CSMD1: variants seen among roughly 807,000 people sequenced by gnomAD.
The protein encoded by CSMD1 is CUB and sushi domain-containing protein 1.
In CSMD1, 213 loss-of-function variants were observed where a neutral mutation model predicts 417.5. The ratio of observed to expected loss-of-function variants is 0.51; its 90% CI spans 0.46 to 0.57. The LOEUF is 0.57. Among genes scored for constraint, CSMD1 ranks in the 20% least tolerant of loss-of-function variants. The pLI is 0.00. For missense variants in CSMD1, 6,923 were observed against 4,529.7 expected (o/e 1.53, Z -15.17); for synonymous variants, 2,862 against 1,736.8 (o/e 1.65, Z -16.11).
chr8:3,513,963 G>C (rs916761475), intron 10 of CSMD1, among the ~76,000 whole-genome samples: 3 of 152,216 alleles, frequency 2.0e-5, no homozygotes, highest in African/African-American at 7.2e-5. Context: ...CTTGTAATAA[G>C]AAAACAGAGA....
intron 10 of CSMD1, among the ~76,000 whole-genome samples, chr8:3,532,566 C>T (rs992900402): frequency 2.0e-5 from 3 of 152,144 alleles, no homozygotes; most frequent in African/African-American, 7.2e-5. Context: ...AGGTTCAACA[C>T]AGGATTTGAT....
chr8:3,811,667 A>G (rs1801088784), intron 5 of CSMD1, among the ~76,000 whole-genome samples: 1 of 152,118 alleles, frequency 6.6e-6, no homozygotes, highest in African/African-American at 2.4e-5. Context: ...CTATGCCAGG[A>G]ATCAATATTC....
intron 1 of CSMD1, among the ~76,000 whole-genome samples, chr8:4,940,850 G>A (rs1228266475): frequency 6.6e-6 from 1 of 152,094 alleles, no homozygotes; most frequent in South Asian, 2.1e-4. Flanking sequence ...AAGGCTTAGA[G>A]GTCATGGTTA....
At chr8:3,217,506 G>C (rs1296397091) in intron 29 of CSMD1, among the ~76,000 whole-genome samples, 1 of 152,094 alleles carries the variant, frequency 6.6e-6, no homozygotes, top group African/African-American at 2.4e-5. Flanking sequence ...ATGAGGAATT[G>C]TTTTGTTTAC....
At chr8:3,789,423 G>T (rs1332057213) in intron 5 of CSMD1, among the ~76,000 whole-genome samples, 14 of 117,572 alleles carry the variant, frequency 1.2e-4, no homozygotes, top group African/African-American at 1.9e-4. Context: ...TTTTTTTTAA[G>T]TAGTGTTTTT....
chr8:3,587,031 C>T (rs550622735), intron 8 of CSMD1, among the ~76,000 whole-genome samples: 4 of 152,128 alleles, frequency 2.6e-5, no homozygotes, highest in Non-Finnish European at 5.9e-5. Flanking sequence ...AACTCCTGAC[C>T]TCAAGTGATT....
In CSMD1 at chr8:4,897,341, T is replaced by C. The variant is rs913642743; in HGVS notation, c.85+96991A>G. On this transcript the variant is annotated intron_variant, in intron 1 of 69. Transcript: ENST00000635120. The stretch of plus-strand genomic sequence containing the variant: ...GTTTTACCAAGTATGCCAATATATA[T>C]TGTTTCTATAGGCCATGGGCGAGTG... 2.0e-5 allele frequency among the ~76,000 whole-genome samples: 3 copies of C among 152,162 alleles called. No individual in the cohort carries two copies. In the East Asian group the frequency reaches 5.8e-4, roughly 29 times the overall value.
At chr8:4,917,815 T>C (rs901332893) in intron 1 of CSMD1, among the ~76,000 whole-genome samples, 1 of 151,904 alleles carries the variant, frequency 6.6e-6, no homozygotes, top group African/African-American at 2.4e-5. Context: ...AGGAACAGAG[T>C]GTGGCAGTGG....
At chr8:4,738,955 G>A (rs965856521) in intron 1 of CSMD1, among the ~76,000 whole-genome samples, 4 of 144,940 alleles carry the variant, frequency 2.8e-5, no homozygotes, top group African/African-American at 7.6e-5. Flanking sequence ...AAATTTTGAA[G>A]GGCTTGAATA....
At chr8:4,589,210 G>A (rs1021879615) in intron 2 of CSMD1, among the ~76,000 whole-genome samples, 6 of 152,064 alleles carry the variant, frequency 3.9e-5, no homozygotes, top group African/African-American at 1.4e-4. Context: ...TCAGAGTTAT[G>A]TAAAAGAACT....
rs181302545 is a variant in CSMD1, at chr8:4,469,353, T to C, written c.303-49288A>G. Among the ~76,000 whole-genome samples, 272 of 152,320 alleles carry C rather than the reference T, an allele frequency of 1.8e-3. 1 individual carries two copies. The highest frequency in any genetic ancestry group is 6.4e-3 in the African/African-American group (265 of 41,572). On this transcript the variant is annotated intron_variant, in intron 2 of 69. Transcript: ENST00000635120. ...TCTGAAAAGTCTTGTTATTTTACCT[T>C]GTCCACGTGAACCAAATCAAGGTGC...
chr8:3,175,530 TTCC>T (rs1469156331), intron 37 of CSMD1, among the ~76,000 whole-genome samples: 26 of 147,400 alleles, frequency 1.8e-4, no homozygotes, highest in African/African-American at 5.8e-4. Flanking sequence ...CCTTCCTTCC[TTCC>T]TTCTTCCCTC....
In CSMD1 at chr8:4,220,143, G is replaced by A. The variant is rs187804062; in HGVS notation, c.416-188044C>T. Among the ~76,000 whole-genome samples the A allele has an allele frequency of 2.0e-4, 31 of 152,202 alleles. No individual in the cohort carries two copies. The East Asian group carries it at 5.4e-3, about 27-fold the overall frequency. Reference sequence around the variant, plus strand: ...TTTTTGTATTTTCAGTAGAGACAGGGTTTTGCCATGTCGGCCAAGCTCGTC... The same window carrying A: ...TTTTTGTATTTTCAGTAGAGACAGGATTTTGCCATGTCGGCCAAGCTCGTC... On this transcript the variant is annotated intron_variant, in intron 3 of 69. Coordinates refer to ENST00000635120, the MANE Select transcript of CSMD1 (RefSeq NM_033225.6).
At chr8:3,586,089 C>A in intron 9 of CSMD1, 47 bp downstream of exon 9, 1 of 1,578,360 alleles carries the variant, frequency 6.3e-7, no homozygotes, top group East Asian at 2.3e-5. Flanking sequence ...AAATGCCAAC[C>A]TTAAAGAAAG....
chr8:3,273,823 T>A lies in CSMD1; in HGVS notation c.4153+10321A>T, dbSNP rs914363402. Among the ~76,000 whole-genome samples, 3 of 152,310 alleles carry A rather than the reference T, an allele frequency of 2.0e-5. No individual in the cohort carries two copies. The East Asian group carries it at 5.8e-4, about 29-fold the overall frequency. ...TGTATCTATTTGATTCCTCTCTGTT[T>A]TTTTCTTAGTCTTGCTAGTGGTCTA... On this transcript the variant is annotated intron_variant, in intron 26 of 69. Transcript: ENST00000635120.
intron 3 of CSMD1, among the ~76,000 whole-genome samples, chr8:4,175,965 G>T (rs1039416768): frequency 1.3e-5 from 2 of 152,058 alleles, no homozygotes; most frequent in African/African-American, 4.8e-5. Flanking sequence ...GGGGCAGCTG[G>T]GCTTCTCTCA....
chr8:3,684,025 C>A (rs1278636928), intron 7 of CSMD1, among the ~76,000 whole-genome samples: 1 of 150,102 alleles, frequency 6.7e-6, no homozygotes, highest in Non-Finnish European at 1.5e-5. Context: ...GGACTAACAC[C>A]AAAGAGACAG....
chr8:4,295,210 TTTTCTATATAATCTTAAGATTA>T lies in CSMD1; in HGVS notation c.415+124721_415+124742del, dbSNP rs1271365729. ...AGATTATGCACATATAATCTTAAGA[TTTTCTATATAATCTTAAGATTA>T]TATGCACATATAATCTTAAGATTTT... On this transcript the variant is annotated intron_variant, in intron 3 of 69. Coordinates refer to ENST00000635120, the MANE Select transcript of CSMD1 (RefSeq NM_033225.6). Among the ~76,000 whole-genome samples the T allele has an allele frequency of 4.3e-3, 156 of 36,448 alleles. 1 individual carries two copies. The East Asian group carries it at 0.1, about 24-fold the overall frequency. 23.9% of individuals were successfully genotyped at this position (36,448 alleles called of 152,430 possible).
At chr8:4,908,585 G>C (rs1309231774) in intron 1 of CSMD1, among the ~76,000 whole-genome samples, 3 of 150,214 alleles carry the variant, frequency 2.0e-5, no homozygotes, top group East Asian at 2.0e-4. Flanking sequence ...TCAATGTAGA[G>C]AGTTTTTATT....
Sources: allele counts gnomAD v4.1 joint callset (sites outside exome capture counted in the v4.1 genomes callset), GRCh38; gene constraint gnomAD v4.1.1; transcripts MANE v1.5; gene names NCBI Gene and HGNC (gene_info 2026-07-23, HGNC 2026-07-21).